The following ODR4 variants were observed in gnomAD, a reference collection of about 807,000 sequenced individuals.
ODR4 encodes the protein odr-4 GPCR localization factor homolog, also known as protein odr-4 homolog.
In ODR4, 47 loss-of-function variants were observed where a neutral mutation model predicts 60.2. The ratio of observed to expected loss-of-function variants is 0.78; its 90% CI spans 0.62 to 1.00. ODR4 has a LOEUF of 1.00. Among genes scored for constraint, ODR4 ranks in the 50% least tolerant of loss-of-function variants. The probability of loss-of-function intolerance (pLI) is 0.00; values close to 1 mark genes in which losing one functional copy is unlikely to be tolerated. For missense variants in ODR4, 488 were observed against 530.8 expected (o/e 0.92, Z 0.79); for synonymous variants, 178 against 175.5 (o/e 1.01, Z -0.11).
intron 12 of ODR4, among the ~76,000 whole-genome samples, chr1:186,416,885 A>C (rs1661594167): frequency 6.6e-6 from 1 of 150,946 alleles, no homozygotes; most frequent in Non-Finnish European, 1.5e-5. Context: ...AAGTAAATTA[A>C]TCTCAAGAGC....
intron 9 of ODR4, among the ~76,000 whole-genome samples, chr1:186,395,305 G>T (rs1660628807): frequency 6.6e-6 from 1 of 152,018 alleles, no homozygotes; most frequent in South Asian, 2.1e-4. Context: ...GTGTTAGCCA[G>T]GGTGGTCTCA....
intron 11 of ODR4, chr1:186,400,979 C>G: frequency 6.8e-7 from 1 of 1,477,092 alleles, no homozygotes; most frequent in Non-Finnish European, 9.2e-7. Context: ...TGGTGTAAAT[C>G]ATTGCTTCAG....
At chr1:186,385,134 A>T (rs1291327094) in intron 3 of ODR4, among the ~76,000 whole-genome samples, 1 of 152,018 alleles carries the variant, frequency 6.6e-6, no homozygotes, top group Non-Finnish European at 1.5e-5. Context: ...AAATAATTCT[A>T]TGAATGCAGA....
Position 186,406,196 on chromosome 1 carries a change from G to A in ODR4, c.1114G>A (p.Asp372Asn). The A allele has an allele frequency of 6.2e-7, 1 of 1,612,168 alleles. No homozygotes were observed. The highest frequency in any genetic ancestry group is 8.5e-7 in the Non-Finnish European group (1 of 1,179,088). Residue 372 changes from aspartate (D) to asparagine (N), a missense_variant, in exon 12 of 14, where the codon GAC (aspartate) becomes AAC (asparagine). Physicochemically the swap from Asp to Asn is conservative, Grantham distance 23 (BLOSUM62 1). Transcript: ENST00000287859. ...FDDESAEEIR[D>N]HFMEMLDHTI... is the part of the protein sequence containing the mutation. ...CGATGAGTCAGCTGAAGAAATCAGGGACCATTTTATGGAGATGTTGGATCA... is the reference window on the plus strand; with the variant it reads ...CGATGAGTCAGCTGAAGAAATCAGGAACCATTTTATGGAGATGTTGGATCA...
intron 7 of ODR4, 51 bp from the exon 8 acceptor site, chr1:186,391,645 A>G: frequency 8.7e-7 from 1 of 1,148,744 alleles, no homozygotes; most frequent in South Asian, 1.3e-5. Context: ...TAGGAAGTTT[A>G]ATTGAGATGG....
chr1:186,390,919 T>C, intron 7 of ODR4, 68 bp downstream of exon 7: 1 of 1,417,702 alleles, frequency 7.1e-7, no homozygotes, highest in South Asian at 1.3e-5. Flanking sequence ...TCTGCTTACA[T>C]GTGTCATTCA....
chr1:186,396,756 G>GATAGATAGAT (rs1482593400), intron 9 of ODR4, among the ~76,000 whole-genome samples: 2 of 151,342 alleles, frequency 1.3e-5, no homozygotes, highest in African/African-American at 4.9e-5. Flanking sequence ...TAGATAGATA[G>GATAGATAGAT]ATATATGTAT....
intron 2 of ODR4, among the ~76,000 whole-genome samples, chr1:186,381,393 C>T (rs889455475): frequency 2.0e-5 from 3 of 151,130 alleles, no homozygotes; most frequent in African/African-American, 7.3e-5. Context: ...GTGGCGCAAT[C>T]TCGGCTCACT....
At chr1:186,410,169 C>T (rs1352965628) in intron 12 of ODR4, among the ~76,000 whole-genome samples, 5 of 152,182 alleles carry the variant, frequency 3.3e-5, no homozygotes, top group Non-Finnish European at 7.3e-5. Flanking sequence ...CTTGTTTTCA[C>T]ATTTATTTCA....
At chr1:186,380,456 T>TAAAAACAC (rs1031378812) in intron 2 of ODR4, among the ~76,000 whole-genome samples, 2 of 151,428 alleles carry the variant, frequency 1.3e-5, no homozygotes, top group Non-Finnish European at 2.9e-5. Context: ...AGCTGAGTCT[T>TAAAAACAC]AAAAACACAA....
chr1:186,412,703 G>A (rs916624149), intron 12 of ODR4, among the ~76,000 whole-genome samples: 8 of 151,878 alleles, frequency 5.3e-5, no homozygotes, highest in Non-Finnish European at 5.9e-5. Flanking sequence ...ATTTTACAAA[G>A]ATAATGTCCA....
chr1:186,410,493 A>G (rs1480170965), intron 12 of ODR4, among the ~76,000 whole-genome samples: 1 of 152,192 alleles, frequency 6.6e-6, no homozygotes, highest in Non-Finnish European at 1.5e-5. Flanking sequence ...CAATAACTTG[A>G]TTCCTTTCCT....
chr1:186,385,187 A>G (rs1359124040), intron 3 of ODR4, among the ~76,000 whole-genome samples: 1 of 151,734 alleles, frequency 6.6e-6, no homozygotes, highest in Non-Finnish European at 1.5e-5. Context: ...TTAAGGTAAA[A>G]TTAGATATAG....
intron 1 of ODR4, among the ~76,000 whole-genome samples, chr1:186,378,811 TTAA>T (rs1251745074): frequency 7.9e-5 from 12 of 152,206 alleles, no homozygotes; most frequent in African/African-American, 2.7e-4. Flanking sequence ...TTATGAATTA[TTAA>T]TGTTACATGG....
chr1:186,380,191 C>T (rs543655722), intron 2 of ODR4, among the ~76,000 whole-genome samples: 1 of 152,234 alleles, frequency 6.6e-6, no homozygotes, highest in South Asian at 2.1e-4. Flanking sequence ...TGTTGTCTTT[C>T]CAAAGTGTTT....
Position 186,406,198 on chromosome 1 carries a change from C to T in ODR4, c.1116C>T (p.Asp372=). 2.5e-6 allele frequency: 4 copies of T among 1,611,102 alleles called. No homozygotes were observed. The highest frequency in any genetic ancestry group is 3.4e-6 in the Non-Finnish European group (4 of 1,178,586). Residue 372 remains aspartate, a synonymous_variant, in exon 12 of 14, where the codon GAC becomes GAT. Transcript: ENST00000287859. ...ATGAGTCAGCTGAAGAAATCAGGGA[C>T]CATTTTATGGAGATGTTGGATCACA... is the stretch of plus-strand genomic sequence containing the variant. ...FDDESAEEIR[D]HFMEMLDHTI...
At chr1:186,411,287 A>C (rs923014074) in intron 12 of ODR4, among the ~76,000 whole-genome samples, 4 of 152,160 alleles carry the variant, frequency 2.6e-5, no homozygotes, top group South Asian at 2.1e-4. Context: ...TTGGATGAGG[A>C]ATACTCAACC....
chr1:186,416,753 G>A (rs1482277043), intron 12 of ODR4, among the ~76,000 whole-genome samples: 1 of 150,692 alleles, frequency 6.6e-6, no homozygotes, highest in African/African-American at 2.4e-5. Context: ...CTACTCAGGA[G>A]GTTGAGGCAG....
intron 11 of ODR4, chr1:186,401,272 G>C: frequency 8.3e-7 from 1 of 1,203,426 alleles, no homozygotes. Context: ...AGAAGTTAAT[G>C]TTAAAGCCTA....
Sources: gnomAD v4.1 joint callset for allele counts (sites outside exome capture counted in the v4.1 genomes callset) on GRCh38, gnomAD v4.1.1 for gene constraint, MANE v1.5 for transcripts, NCBI Gene and HGNC (gene_info 2026-07-23, HGNC 2026-07-21) for gene names.